The following IL6R variants were observed in gnomAD, a reference collection of about 807,000 sequenced individuals.
The protein encoded by IL6R is interleukin-6 receptor subunit alpha.
A neutral mutation model predicts 48.3 loss-of-function variants in IL6R; 38 were observed. That is an observed-to-expected ratio of 0.79 (90% CI 0.61 to 1.03). The LOEUF (loss-of-function observed/expected upper bound fraction) is 1.03. Among genes scored for constraint, IL6R ranks in the 50% least tolerant of loss-of-function variants. The pLI is 0.00. For missense variants in IL6R, 534 were observed against 618.3 expected (o/e 0.86, Z 1.45); for synonymous variants, 264 against 256.2 (o/e 1.03, Z -0.29).
Position 154,435,943 on chromosome 1 carries a change from C to T in IL6R, c.808-26C>T, listed in dbSNP as rs774720077. Reference sequence around the variant, plus strand: ...CCCAGCACCATCCTGGATACCTCCCCAGAGTCACCGTGCCCCCGCCCTCAG... The same window carrying T: ...CCCAGCACCATCCTGGATACCTCCCTAGAGTCACCGTGCCCCCGCCCTCAG... On this transcript the variant is annotated intron_variant, in intron 5 of 9. Transcript: ENST00000368485. 4.4e-6 allele frequency: 7 copies of T among 1,580,058 alleles called. No individual in the cohort carries two copies. The South Asian group carries it at 8.0e-5, about 18-fold the overall frequency.
chr1:154,435,936 A>T (rs1390934327), intron 5 of IL6R, 33 bp from the exon 6 acceptor site: 4 of 1,565,024 alleles, frequency 2.6e-6, no homozygotes, highest in Non-Finnish European at 3.5e-6. Flanking sequence ...CATCCTGGAT[A>T]CCTCCCCAGA....
chr1:154,442,782 TTTC>T (rs201210205), intron 6 of IL6R, among the ~76,000 whole-genome samples: 2 of 127,638 alleles, frequency 1.6e-5, no homozygotes, highest in Non-Finnish European at 3.2e-5. Flanking sequence ...ACAAAATCAT[TTTC>T]TTCTTTTTTT....
intron 1 of IL6R, among the ~76,000 whole-genome samples, chr1:154,415,547 AC>A (rs1688292668): frequency 6.6e-6 from 1 of 152,244 alleles, no homozygotes; most frequent in African/African-American, 2.4e-5. Context: ...TAGCTATATA[AC>A]CTCAGTCTCT....
intron 8 of IL6R, among the ~76,000 whole-genome samples, chr1:154,453,705 T>A (rs572316337): frequency 4.6e-5 from 7 of 152,220 alleles, no homozygotes; most frequent in Admixed American, 6.5e-5. Flanking sequence ...ATGTGGTCCC[T>A]GCCTTCAGGG....
chr1:154,432,706 T>G (rs1430889252), intron 3 of IL6R, among the ~76,000 whole-genome samples: 1 of 152,176 alleles, frequency 6.6e-6, no homozygotes, highest in East Asian at 1.9e-4. Context: ...GAGAGTACAG[T>G]GCTTGTCCTC....
chr1:154,430,369 G>A, intron 2 of IL6R, 114 bp from the exon 3 acceptor site: 1 of 1,359,432 alleles, frequency 7.4e-7, no homozygotes, highest in East Asian at 2.4e-5. Context: ...CTCCAGGGCT[G>A]GGGCCGAGGG....
At chr1:154,457,967 CTTT>C (rs1307922193) in intron 9 of IL6R, among the ~76,000 whole-genome samples, 6,950 of 91,154 alleles carry the variant, frequency 0.076, 657 homozygotes, top group African/African-American at 0.21. Flanking sequence ...TTTTCTTTTT[CTTT>C]TTTTTTTTTT....
At chr1:154,408,173 A>G (rs544172558) in intron 1 of IL6R, among the ~76,000 whole-genome samples, 5 of 152,264 alleles carry the variant, frequency 3.3e-5, no homozygotes, top group African/African-American at 1.2e-4. Context: ...GGCCTGGGGC[A>G]TGTCCTTTTA....
chr1:154,454,786 T>TACAG (rs1690783814), intron 9 of IL6R, among the ~76,000 whole-genome samples: 1 of 152,122 alleles, frequency 6.6e-6, no homozygotes, highest in South Asian at 2.1e-4. Flanking sequence ...GCAGGACAGA[T>TACAG]ACAGTCTCAG....
intron 1 of IL6R, among the ~76,000 whole-genome samples, chr1:154,424,488 A>G (rs1044112116): frequency 6.6e-6 from 1 of 152,206 alleles, no homozygotes; most frequent in African/African-American, 2.4e-5. Context: ...AGGAAGGGAT[A>G]TTGCAAGCAT....
intron 1 of IL6R, chr1:154,414,523 CT>C (rs1235638691): frequency 4.9e-5 from 39 of 794,660 alleles, no homozygotes; most frequent in Non-Finnish European, 7.8e-5. Context: ...AGTCGGTCAT[CT>C]TTTTGGGTGT....
At position 154,465,089 on chromosome 1, in the gene IL6R, G is replaced by A. The variant is rs759335112; in HGVS notation, c.1161-45G>A. On this transcript the variant is annotated intron_variant, in intron 9 of 9. Transcript: ENST00000368485. ...TTTCCACTGTGGGCTTGTCACAGGG[G>A]GAGCTAAAAATCTGTGTGGTTTGTC... is the stretch of plus-strand genomic sequence containing the variant. The A allele has an allele frequency of 6.2e-6, 10 of 1,611,266 alleles. No homozygotes were observed. In the Admixed American group the frequency reaches 6.7e-5, roughly 11 times the overall value.
chr1:154,438,766 G>C (rs1310209386), intron 6 of IL6R, among the ~76,000 whole-genome samples: 1 of 152,128 alleles, frequency 6.6e-6, no homozygotes, highest in Non-Finnish European at 1.5e-5. Context: ...AGAGCCAGAG[G>C]AGTATGCTGG....
intron 1 of IL6R, among the ~76,000 whole-genome samples, chr1:154,408,258 T>C (rs1687841192): frequency 6.6e-6 from 1 of 152,204 alleles, no homozygotes. Context: ...ATTGAGGAAC[T>C]GAATGAAGGC....
At chr1:154,457,306 G>A (rs1389428585) in intron 9 of IL6R, among the ~76,000 whole-genome samples, 5 of 110,762 alleles carry the variant, frequency 4.5e-5, no homozygotes, top group African/African-American at 1.4e-4. Context: ...CTGGACAACA[G>A]AGCAAGACTC....
chr1:154,405,492 T>C lies in IL6R; in HGVS notation c.-138T>C, dbSNP rs1285674548. On this transcript the variant is annotated 5_prime_UTR_variant, in exon 1 of 10. Coordinates refer to ENST00000368485, the MANE Select transcript of IL6R (RefSeq NM_000565.4). The surrounding 1 kb of genome is among the most constrained non-coding windows in gnomAD (Gnocchi z 5.2). ...CAGTGTGTGTAGAGAGCCGGGCTCCTGCGGATGGGGGCTGCCCCCGGGGCC... is the reference window on the plus strand; with the variant it reads ...CAGTGTGTGTAGAGAGCCGGGCTCCCGCGGATGGGGGCTGCCCCCGGGGCC... 8 of 745,274 alleles carry C rather than the reference T, an allele frequency of 1.1e-5. No individual in the cohort carries two copies. Among genetic ancestry groups the C allele is most frequent in the African/African-American group, 1.9e-5 (1 of 52,948 alleles). The allele number at this position is 745,274 out of a possible 1,614,324, so 46.2% of individuals were successfully genotyped here.
chr1:154,452,040 C>G (rs1193622210), intron 8 of IL6R, among the ~76,000 whole-genome samples: 1 of 152,124 alleles, frequency 6.6e-6, no homozygotes, highest in African/African-American at 2.4e-5. Flanking sequence ...TGAGACGTAT[C>G]TAGGAATTGA....
chr1:154,414,732 GT>G, intron 1 of IL6R: 18 of 804,270 alleles, frequency 2.2e-5, no homozygotes, highest in Non-Finnish European at 2.8e-5. Context: ...GGGACACAGG[GT>G]TTTTGGTGTA....
intron 6 of IL6R, among the ~76,000 whole-genome samples, chr1:154,437,833 C>T (rs1025941026): frequency 1.3e-5 from 2 of 151,816 alleles, no homozygotes; most frequent in African/African-American, 4.8e-5. Flanking sequence ...CCTGCCTCAG[C>T]CTCCTGAGTA....
Sources: allele counts gnomAD v4.1 joint callset (sites outside exome capture counted in the v4.1 genomes callset), GRCh38; gene constraint gnomAD v4.1.1; non-coding constraint Gnocchi (gnomAD v3.1); transcripts MANE v1.5; gene names NCBI Gene and HGNC (gene_info 2026-07-23, HGNC 2026-07-21).